CDH18: variants seen among roughly 807,000 people sequenced by gnomAD.
The protein encoded by CDH18 is cadherin-18.
In CDH18, 31 loss-of-function variants were observed where a neutral mutation model predicts 67.9. The ratio of observed to expected loss-of-function variants is 0.46; its 90% CI spans 0.34 to 0.62. The LOEUF is 0.62. Among genes scored for constraint, CDH18 ranks in the 20% least tolerant of loss-of-function variants. The probability of loss-of-function intolerance (pLI) is 0.01; values close to 1 mark genes in which losing one functional copy is unlikely to be tolerated. For synonymous variants in CDH18, 362 were observed against 347.2 expected (o/e 1.04, Z -0.48); for missense variants, 890 against 975.5 (o/e 0.91, Z 1.17).
At chr5:20,400,030 C>T (rs1161537651) in intron 1 of CDH18, among the ~76,000 whole-genome samples, 1 of 152,064 alleles carries the variant, frequency 6.6e-6, no homozygotes, top group Non-Finnish European at 1.5e-5. Flanking sequence ...TACCTGTGGC[C>T]TACAATGTAT....
chr5:20,023,436 G>C (rs2150437349), intron 2 of CDH18, among the ~76,000 whole-genome samples: 1 of 152,082 alleles, frequency 6.6e-6, no homozygotes, highest in African/African-American at 2.4e-5. Context: ...GAGGCGGGCG[G>C]ATCACCAGGT....
At chr5:19,697,215 C>G (rs767687563) in intron 5 of CDH18, among the ~76,000 whole-genome samples, 1 of 152,154 alleles carries the variant, frequency 6.6e-6, no homozygotes, top group Non-Finnish European at 1.5e-5. Flanking sequence ...CCACATACAT[C>G]CCAATATTTT....
intron 12 of CDH18, among the ~76,000 whole-genome samples, chr5:19,479,938 A>G (rs1353372661): frequency 6.6e-6 from 1 of 152,236 alleles, no homozygotes; most frequent in Non-Finnish European, 1.5e-5. Flanking sequence ...ACATTTTCAT[A>G]AAAACCAATT....
intron 1 of CDH18, among the ~76,000 whole-genome samples, chr5:20,288,677 T>C (rs1010484489): frequency 6.6e-6 from 1 of 151,818 alleles, no homozygotes; most frequent in African/African-American, 2.4e-5. Context: ...AATTTGATCA[T>C]AATAGATCCT....
At chr5:20,338,991 G>A (rs1013521937) in intron 1 of CDH18, among the ~76,000 whole-genome samples, 22 of 152,260 alleles carry the variant, frequency 1.4e-4, no homozygotes, top group Admixed American at 3.3e-4. Flanking sequence ...TATGACAGCC[G>A]ACAGGAGCCA....
At chr5:20,554,796 G>A (rs1303723346) in intron 1 of CDH18, among the ~76,000 whole-genome samples, 2 of 152,146 alleles carry the variant, frequency 1.3e-5, no homozygotes, top group Non-Finnish European at 2.9e-5. Context: ...TTATGAGTTG[G>A]AACACTTGAA....
chr5:19,624,456 C>A (rs1580558793), intron 5 of CDH18, among the ~76,000 whole-genome samples: 1 of 152,188 alleles, frequency 6.6e-6, no homozygotes, highest in African/African-American at 2.4e-5. Flanking sequence ...AGCAAATATG[C>A]AGCACTGAAG....
At chr5:20,380,836 A>G (rs1156308796) in intron 1 of CDH18, among the ~76,000 whole-genome samples, 1 of 152,186 alleles carries the variant, frequency 6.6e-6, no homozygotes. Flanking sequence ...ACTATGGACA[A>G]TTAGTCTACA....
chr5:20,503,794 T>G (rs1161865545), intron 1 of CDH18, among the ~76,000 whole-genome samples: 2 of 152,106 alleles, frequency 1.3e-5, no homozygotes, highest in African/African-American at 4.8e-5. Context: ...TGTCATCATT[T>G]TGGGAGGCTG....
At chr5:19,704,049 C>T (rs913232867) in intron 5 of CDH18, among the ~76,000 whole-genome samples, 3 of 152,264 alleles carry the variant, frequency 2.0e-5, no homozygotes, top group African/African-American at 2.4e-5. Context: ...TATAGCACAG[C>T]TCCTGATTGT....
chr5:20,255,165 C>G (rs924783302), intron 2 of CDH18, among the ~76,000 whole-genome samples: 40 of 152,154 alleles, frequency 2.6e-4, no homozygotes, highest in African/African-American at 9.4e-4. Flanking sequence ...GTTGAAAAAC[C>G]ACTGGGTACA....
intron 2 of CDH18, among the ~76,000 whole-genome samples, chr5:20,167,027 T>G (rs10473325): frequency 0.58 from 88,754 of 151,976 alleles, 25,989 homozygotes; most frequent in Middle Eastern, 0.69. Context: ...TTATTTTATG[T>G]TTCTTGAAGA....
chr5:20,556,520 T>C (rs1274900226), intron 1 of CDH18, among the ~76,000 whole-genome samples: 1 of 152,154 alleles, frequency 6.6e-6, no homozygotes, highest in Non-Finnish European at 1.5e-5. Flanking sequence ...CGTTCTCTTC[T>C]CTTACTACTG....
intron 2 of CDH18, among the ~76,000 whole-genome samples, chr5:19,932,895 AACTGAAAATG>A (rs1179904332): frequency 2.0e-5 from 3 of 151,686 alleles, no homozygotes; most frequent in African/African-American, 7.2e-5. Flanking sequence ...CTGTACATAC[AACTGAAAATG>A]ACTGAAAAAG....
intron 8 of CDH18, among the ~76,000 whole-genome samples, chr5:19,548,302 A>AT (rs1213771215): frequency 1.1e-5 from 1 of 95,036 alleles, no homozygotes; most frequent in African/African-American, 3.2e-5. Context: ...GGGATTTTAA[A>AT]TTAAAAAAAA....
intron 3 of CDH18, among the ~76,000 whole-genome samples, chr5:19,774,021 T>C (rs1774010148): frequency 6.6e-6 from 1 of 152,216 alleles, no homozygotes; most frequent in African/African-American, 2.4e-5. Flanking sequence ...TATTTCTCTA[T>C]ATAGCTAGAT....
chr5:20,472,277 T>C (rs1752144332), intron 1 of CDH18, among the ~76,000 whole-genome samples: 1 of 152,214 alleles, frequency 6.6e-6, no homozygotes, highest in Non-Finnish European at 1.5e-5. Context: ...TGATTAGGAA[T>C]AGGTTTTTAA....
chr5:19,589,205 G>A (rs143692921), intron 7 of CDH18, among the ~76,000 whole-genome samples: 48 of 152,072 alleles, frequency 3.2e-4, no homozygotes, highest in East Asian at 2.3e-3. Context: ...TCCTTTAGCC[G>A]AATCCAATCA....
At chr5:20,248,841 T>C (rs1400055867) in intron 2 of CDH18, among the ~76,000 whole-genome samples, 2 of 152,246 alleles carry the variant, frequency 1.3e-5, no homozygotes, top group African/African-American at 4.8e-5. Context: ...TAGAAAGTAA[T>C]CACACCTATA....
Sources: gnomAD v4.1 joint callset for allele counts (sites outside exome capture counted in the v4.1 genomes callset) on GRCh38, gnomAD v4.1.1 for gene constraint, MANE v1.5 for transcripts, NCBI Gene and HGNC (gene_info 2026-07-23, HGNC 2026-07-21) for gene names.